Variants in TNFSF4 observed in about 807,000 individuals in gnomAD.
TNFSF4 encodes TNF superfamily member 4, also known as tumor necrosis factor ligand superfamily member 4.
Under a neutral mutation model 7.3 loss-of-function variants are expected in TNFSF4, and 4 were observed. The ratio of observed to expected loss-of-function variants is 0.55; its 90% CI spans 0.27 to 1.25. The LOEUF (loss-of-function observed/expected upper bound fraction) is 1.25. Ranked by LOEUF, TNFSF4 falls within the 50% of genes most tolerant of loss-of-function variation. The probability of loss-of-function intolerance (pLI) is 0.12; values close to 1 mark genes in which losing one functional copy is unlikely to be tolerated. For synonymous variants in TNFSF4, 76 were observed against 83.7 expected, an observed-to-expected ratio of 0.91 and a Z score of 0.50; for missense variants, 181 against 208.8, an observed-to-expected ratio of 0.87 and a Z score of 0.82.
intron 1 of TNFSF4, among the ~76,000 whole-genome samples, chr1:173,200,524 A>AT (rs1403648826): frequency 1.4e-4 from 21 of 152,370 alleles, no homozygotes; most frequent in African/African-American, 5.0e-4. Context: ...GAAGCTAAAA[A>AT]TTGTCATCAC....
intron 1 of TNFSF4, chr1:173,205,242 C>A: frequency 6.4e-7 from 1 of 1,572,420 alleles, no homozygotes; most frequent in Non-Finnish European, 8.7e-7. Context: ...CTCAAATATA[C>A]CACCTATGTC....
the TNFSF4 span, among the ~76,000 whole-genome samples, chr1:173,292,109 G>A: frequency 6.6e-6 from 1 of 151,970 alleles, no homozygotes; most frequent in African/African-American, 2.4e-5. Context: ...AAAGTGAAGA[G>A]GAGGGACTCC....
intron 1 of TNFSF4, among the ~76,000 whole-genome samples, chr1:173,202,016 T>A (rs1239425728): frequency 6.6e-6 from 1 of 151,542 alleles, no homozygotes. Flanking sequence ...TGAAGTGGGG[T>A]AAGCTGTCAT....
At chr1:173,350,133 C>T in the TNFSF4 span, among the ~76,000 whole-genome samples, 2 of 152,100 alleles carry the variant, frequency 1.3e-5, no homozygotes, top group African/African-American at 2.4e-5. Context: ...AAAATACTTC[C>T]ATCCCTGCAT....
the TNFSF4 span, among the ~76,000 whole-genome samples, chr1:173,237,272 A>G: frequency 2.6e-5 from 4 of 152,204 alleles, no homozygotes; most frequent in Non-Finnish European, 5.9e-5. Flanking sequence ...CAATATGCAA[A>G]TCAATAAATG....
chr1:173,236,343 G>C, the TNFSF4 span, among the ~76,000 whole-genome samples: 1 of 150,572 alleles, frequency 6.6e-6, no homozygotes, highest in Non-Finnish European at 1.5e-5. Flanking sequence ...CATTATATTT[G>C]TAAGTTAAGT....
At chr1:173,177,560 C>A in the TNFSF4 span, among the ~76,000 whole-genome samples, 1 of 152,060 alleles carries the variant, frequency 6.6e-6, no homozygotes, top group East Asian at 1.9e-4. Context: ...ATATAACAAA[C>A]CTGTGTGTGT....
the TNFSF4 span, among the ~76,000 whole-genome samples, chr1:173,359,491 A>T: frequency 7.2e-6 from 1 of 138,102 alleles, no homozygotes; most frequent in Non-Finnish European, 1.6e-5. Flanking sequence ...AAATTCAAGG[A>T]CTTTCTTTTT....
At chr1:173,334,577 T>C in the TNFSF4 span, among the ~76,000 whole-genome samples, 2 of 152,324 alleles carry the variant, frequency 1.3e-5, no homozygotes, top group East Asian at 3.9e-4. Context: ...CAAGTTGAAC[T>C]TTCAGGCCTA....
At chr1:173,440,201 A>G in the TNFSF4 span, among the ~76,000 whole-genome samples, 1 of 152,132 alleles carries the variant, frequency 6.6e-6, no homozygotes, top group African/African-American at 2.4e-5. Context: ...CAGAACATCG[A>G]CCTTTACACT....
chr1:173,407,015 C>T, the TNFSF4 span, among the ~76,000 whole-genome samples: 1 of 152,106 alleles, frequency 6.6e-6, no homozygotes, highest in African/African-American at 2.4e-5. Context: ...CAGGATATTA[C>T]AGCAGCAGCA....
chr1:173,245,859 G>C, the TNFSF4 span, among the ~76,000 whole-genome samples: 1 of 152,088 alleles, frequency 6.6e-6, no homozygotes, highest in African/African-American at 2.4e-5. Context: ...TTCTGTGCCT[G>C]GTTTATTCCA....
At chr1:173,384,255 CAATA>C in the TNFSF4 span, among the ~76,000 whole-genome samples, 3 of 152,040 alleles carry the variant, frequency 2.0e-5, no homozygotes, top group South Asian at 4.2e-4. Flanking sequence ...ATGATAAACA[CAATA>C]AATAAAGTAG....
the TNFSF4 span, among the ~76,000 whole-genome samples, chr1:173,446,561 G>A: frequency 6.6e-6 from 1 of 152,200 alleles, no homozygotes; most frequent in Non-Finnish European, 1.5e-5. Context: ...TGTTGCCAAA[G>A]AAGATTAACA....
chr1:173,222,417 G>A, the TNFSF4 span, among the ~76,000 whole-genome samples: 5 of 152,174 alleles, frequency 3.3e-5, no homozygotes, highest in African/African-American at 4.8e-5. Flanking sequence ...AACCACACAC[G>A]ATACAATCAG....
the TNFSF4 span, among the ~76,000 whole-genome samples, chr1:173,415,432 T>C: frequency 1.3e-5 from 2 of 152,130 alleles, no homozygotes; most frequent in African/African-American, 2.4e-5. Flanking sequence ...AAAAGGAAGA[T>C]AGAAGAGAAT....
chr1:173,401,368 T>C, the TNFSF4 span, among the ~76,000 whole-genome samples: 1 of 152,210 alleles, frequency 6.6e-6, no homozygotes, highest in Non-Finnish European at 1.5e-5. Context: ...CTTGGCTGGA[T>C]CACAGAAGCT....
chr1:173,198,507 A>AACT (rs1285284108), intron 1 of TNFSF4, among the ~76,000 whole-genome samples: 2 of 152,206 alleles, frequency 1.3e-5, no homozygotes, highest in African/African-American at 4.8e-5. Context: ...GTAAATGAGC[A>AACT]ACTAAGATTA....
chr1:173,286,214 C>T, the TNFSF4 span, among the ~76,000 whole-genome samples: 2 of 152,146 alleles, frequency 1.3e-5, no homozygotes, highest in Non-Finnish European at 2.9e-5. Flanking sequence ...AACTTAAGAA[C>T]CCAGCTAAGA....
Sources: gnomAD v4.1 joint callset for allele counts (sites outside exome capture counted in the v4.1 genomes callset) on GRCh38, gnomAD v4.1.1 for gene constraint, MANE v1.5 for transcripts, NCBI Gene and HGNC (gene_info 2026-07-23, HGNC 2026-07-21) for gene names.